The following HHIP variants were observed in gnomAD, a reference collection of about 807,000 sequenced individuals.
HHIP encodes the protein hedgehog-interacting protein.
In HHIP, 12 loss-of-function variants were observed where a neutral mutation model predicts 74.0. That is an observed-to-expected ratio of 0.16 (90% CI 0.10 to 0.26). HHIP has a LOEUF of 0.26. Among genes scored for constraint, HHIP ranks in the 10% least tolerant of loss-of-function variants. HHIP has a pLI of 1.00. For missense variants in HHIP, 788 were observed against 845.0 expected (o/e 0.93, Z 0.84); for synonymous variants, 309 against 311.6 (o/e 0.99, Z 0.09).
chr4:144,701,713 C>G (rs79481966), intron 4 of HHIP, among the ~76,000 whole-genome samples: 32 of 152,120 alleles, frequency 2.1e-4, no homozygotes, highest in Non-Finnish European at 1.5e-5. Flanking sequence ...ATGTCTTGAA[C>G]ATAGTGTCAC....
intron 4 of HHIP, among the ~76,000 whole-genome samples, chr4:144,688,403 T>C (rs1729545412): frequency 1.3e-5 from 2 of 152,116 alleles, no homozygotes; most frequent in Non-Finnish European, 2.9e-5. Context: ...TTTTTTTTTT[T>C]GAAGTCCCAG....
Position 144,744,633 on chromosome 4 carries a change from T to A in HHIP, c.*6676T>A, listed in dbSNP as rs2126705400. The A allele has an allele frequency of 6.6e-6, 1 of 152,334 alleles. No homozygotes were observed. The highest frequency in any genetic ancestry group is 1.9e-4 in the East Asian group (1 of 5,196). 9.4% of individuals were successfully genotyped at this position (152,334 alleles called of 1,614,324 possible). ...TTCTCTGAATTTGAACTTATTTGAT[T>A]TATTTAACCAAGTTATTATAATATG... On this transcript the variant is annotated 3_prime_UTR_variant, in exon 13 of 13. Transcript: ENST00000296575.
At chr4:144,652,819 G>T in intron 2 of HHIP, 22 bp downstream of exon 2, 4 of 1,508,814 alleles carry the variant, frequency 2.7e-6, no homozygotes, top group Non-Finnish European at 2.7e-6. Flanking sequence ...AAATGCATAA[G>T]TAAAATAAAC....
At chr4:144,713,424 A>G (rs1578717983) in intron 8 of HHIP, among the ~76,000 whole-genome samples, 1 of 152,158 alleles carries the variant, frequency 6.6e-6, no homozygotes, top group African/African-American at 2.4e-5. Flanking sequence ...AGAGGTCGTT[A>G]AAAATTACTA....
intron 2 of HHIP, among the ~76,000 whole-genome samples, chr4:144,656,134 T>C (rs985695416): frequency 2.0e-5 from 3 of 152,192 alleles, no homozygotes; most frequent in African/African-American, 7.2e-5. Flanking sequence ...TTCATCATTG[T>C]TCACTGCAGA....
rs1315252168 is a variant in HHIP, at chr4:144,646,335, C to A, written c.-341C>A. On this transcript the variant is annotated 5_prime_UTR_variant, in exon 1 of 13. Transcript: ENST00000296575. The stretch of plus-strand genomic sequence containing the variant: ...AAGTGAACATCTGTGGCTGTCCTCT[C>A]CTTTTCTTCCTCCTCTTCCAACTCC... 1 of 248,008 alleles carries A rather than the reference C, an allele frequency of 4.0e-6. No homozygotes were observed. Among genetic ancestry groups the A allele is most frequent in the Non-Finnish European group, 7.7e-6 (1 of 129,186 alleles). 15.4% of individuals were successfully genotyped at this position (248,008 alleles called of 1,614,324 possible).
chr4:144,669,926 G>A (rs964940073), intron 4 of HHIP, among the ~76,000 whole-genome samples: 1 of 149,884 alleles, frequency 6.7e-6, no homozygotes, highest in South Asian at 2.1e-4. Context: ...CGGATCACGA[G>A]GTCAAGAGAT....
chr4:144,668,398 T>A (rs1560698863), intron 4 of HHIP, among the ~76,000 whole-genome samples: 1 of 151,750 alleles, frequency 6.6e-6, no homozygotes, highest in African/African-American at 2.4e-5. Flanking sequence ...AGTTAAATCT[T>A]TAAAGAGCAA....
chr4:144,724,732 A>ATG lies in HHIP; in HGVS notation c.1760+5777_1760+5778insGT, dbSNP rs1433749545. 1.9e-3 allele frequency among the ~76,000 whole-genome samples: 280 copies of ATG among 148,458 alleles called. 2 individuals carry two copies. Among genetic ancestry groups the ATG allele is most frequent in the African/African-American group, 6.4e-3 (260 of 40,840 alleles). Reference sequence around the variant, plus strand: ...TATGTATGTATGCATATATATATATATATCCCATTTCCTGGAAATGTGACA... The same window carrying ATG: ...TATGTATGTATGCATATATATATATATGTATCCCATTTCCTGGAAATGTGACA... On this transcript the variant is annotated intron_variant, in intron 11 of 12. Coordinates refer to ENST00000296575, the MANE Select transcript of HHIP (RefSeq NM_022475.3).
At position 144,743,494 on chromosome 4, in the gene HHIP, TC is replaced by T. The variant is rs1295362047; in HGVS notation, c.*5538del. 2 of 152,100 alleles carry T rather than the reference TC, an allele frequency of 1.3e-5. No homozygotes were observed. Among genetic ancestry groups the T allele is most frequent in the African/African-American group, 4.8e-5 (2 of 41,462 alleles). The allele number at this position is 152,100 out of a possible 1,614,324, so 9.4% of individuals were successfully genotyped here. A position where few individuals can be genotyped will look rare whatever the true frequency, so the allele number is the denominator to read the frequency against. ...AAACAGTAACATTTACAAAATGGTA[TC>T]AGCTCAACATTAAATCTAAGGTTAC... is the stretch of plus-strand genomic sequence containing the variant. On this transcript the variant is annotated 3_prime_UTR_variant, in exon 13 of 13. Coordinates refer to ENST00000296575, the MANE Select transcript of HHIP (RefSeq NM_022475.3).
In HHIP at chr4:144,738,154, C is replaced by T; in HGVS notation, c.*197C>T. On this transcript the variant is annotated 3_prime_UTR_variant, in exon 13 of 13. Coordinates refer to ENST00000296575, the MANE Select transcript of HHIP (RefSeq NM_022475.3). ...GTTCACATATGCACATACACATACT[C>T]ATAACCCCTATATGCGTTGTTGCAT... 8.2e-7 allele frequency: 1 copy of T among 1,217,376 alleles called. No individual in the cohort carries two copies. The highest frequency in any genetic ancestry group is 1.0e-6 in the Non-Finnish European group (1 of 976,796). 75.4% of individuals were successfully genotyped at this position (1,217,376 alleles called of 1,614,324 possible). A position where few individuals can be genotyped will look rare whatever the true frequency, so the allele number is the denominator to read the frequency against.
intron 7 of HHIP, among the ~76,000 whole-genome samples, chr4:144,709,719 T>C (rs936168613): frequency 2.6e-5 from 4 of 152,232 alleles, no homozygotes; most frequent in South Asian, 2.1e-4. Flanking sequence ...ATCTCCTCTC[T>C]GCTTCTCAGC....
intron 11 of HHIP, among the ~76,000 whole-genome samples, chr4:144,728,285 GTGAGGA>G (rs1217059237): frequency 6.6e-6 from 1 of 152,174 alleles, no homozygotes. Context: ...AGTTCAACCT[GTGAGGA>G]TGAGACTTTT....
intron 11 of HHIP, among the ~76,000 whole-genome samples, chr4:144,721,534 A>C (rs1167740281): frequency 6.6e-6 from 1 of 151,872 alleles, no homozygotes; most frequent in Non-Finnish European, 1.5e-5. Context: ...GTAAAAATTA[A>C]ATGCCATTGT....
chr4:144,724,139 T>G (rs887161072), intron 11 of HHIP, among the ~76,000 whole-genome samples: 1 of 152,186 alleles, frequency 6.6e-6, no homozygotes, highest in Non-Finnish European at 1.5e-5. Context: ...GGTAGCAGCC[T>G]GAGTATCACT....
intron 11 of HHIP, among the ~76,000 whole-genome samples, chr4:144,732,266 A>G (rs1048687909): frequency 1.1e-4 from 16 of 152,168 alleles, no homozygotes; most frequent in African/African-American, 3.6e-4. Context: ...TAGAACAAAA[A>G]AAGATAATTT....
intron 2 of HHIP, among the ~76,000 whole-genome samples, chr4:144,657,277 C>T (rs941328673): frequency 6.6e-6 from 1 of 152,134 alleles, no homozygotes; most frequent in Non-Finnish European, 1.5e-5. Flanking sequence ...GTCTTTTATG[C>T]GCCATTGATG....
intron 11 of HHIP, among the ~76,000 whole-genome samples, chr4:144,724,549 T>A (rs1461722610): frequency 6.6e-6 from 1 of 151,226 alleles, no homozygotes. Context: ...ACATGATGTT[T>A]TGATAAATGT....
At chr4:144,716,878 A>AAAAAAAAAAAT in intron 10 of HHIP, among the ~76,000 whole-genome samples, 1 of 148,538 alleles carries the variant, frequency 6.7e-6, no homozygotes, top group East Asian at 1.9e-4. Flanking sequence ...AAAAAAAAAA[A>AAAAAAAAAAAT]AAAAAAAAAA....
Sources: gnomAD v4.1 joint callset for allele counts (sites outside exome capture counted in the v4.1 genomes callset) on GRCh38, gnomAD v4.1.1 for gene constraint, MANE v1.5 for transcripts, NCBI Gene and HGNC (gene_info 2026-07-23, HGNC 2026-07-21) for gene names.